Variants in MGAT4C observed in about 807,000 individuals in gnomAD.
MGAT4C encodes the protein alpha-1,3-mannosyl-glycoprotein 4-beta-N-acetylglucosaminyltransferase C.
In MGAT4C, 19 loss-of-function variants were observed where a neutral mutation model predicts 40.1. The ratio of observed to expected loss-of-function variants is 0.47; its 90% CI spans 0.33 to 0.70. The LOEUF (loss-of-function observed/expected upper bound fraction) is 0.70. Among genes scored for constraint, MGAT4C ranks in the 30% least tolerant of loss-of-function variants. The pLI is 0.02. For synonymous variants in MGAT4C, 181 were observed against 187.1 expected (o/e 0.97, Z 0.27); for missense variants, 491 against 563.2 (o/e 0.87, Z 1.30).
chr12:86,389,972 T>C (rs750326425), intron 3 of MGAT4C, among the ~76,000 whole-genome samples: 6 of 152,352 alleles, frequency 3.9e-5, no homozygotes, highest in Non-Finnish European at 7.3e-5. Flanking sequence ...AATGTATTTG[T>C]ATAATTTGAT....
intron 4 of MGAT4C, among the ~76,000 whole-genome samples, chr12:86,271,841 A>G (rs1449597515): frequency 6.6e-6 from 1 of 152,208 alleles, no homozygotes; most frequent in Non-Finnish European, 1.5e-5. Context: ...GAATCCTGTC[A>G]TTTGCAGCAA....
chr12:86,190,235 C>T (rs1044185183), intron 1 of MGAT4C, among the ~76,000 whole-genome samples: 1 of 151,998 alleles, frequency 6.6e-6, no homozygotes, highest in Non-Finnish European at 1.5e-5. Flanking sequence ...AAAGGCAATG[C>T]ACTTTTCACA....
intron 3 of MGAT4C, among the ~76,000 whole-genome samples, chr12:86,429,412 G>A (rs1010027768): frequency 6.6e-6 from 1 of 152,134 alleles, no homozygotes; most frequent in Non-Finnish European, 1.5e-5. Flanking sequence ...TTGTTTGTGT[G>A]CTTGAGAAGA....
At chr12:86,752,773 T>C (rs1951245753) in intron 1 of MGAT4C, among the ~76,000 whole-genome samples, 1 of 152,120 alleles carries the variant, frequency 6.6e-6, no homozygotes, top group South Asian at 2.1e-4. Flanking sequence ...AACAGATTTT[T>C]GACAAAGGTA....
chr12:86,267,230 G>A (rs572584991), intron 4 of MGAT4C, among the ~76,000 whole-genome samples: 232 of 152,038 alleles, frequency 1.5e-3, no homozygotes, highest in African/African-American at 5.3e-3. Context: ...TGCAGATATT[G>A]AAGCTATAAA....
chr12:86,793,399 G>A (rs569796797), intron 1 of MGAT4C, among the ~76,000 whole-genome samples: 2 of 151,976 alleles, frequency 1.3e-5, no homozygotes, highest in African/African-American at 2.4e-5. Flanking sequence ...ATTTATTGTT[G>A]CCATTAGTAT....
At chr12:86,249,782 T>G (rs577797239) in intron 1 of MGAT4C, among the ~76,000 whole-genome samples, 134 of 152,268 alleles carry the variant, frequency 8.8e-4, no homozygotes, top group African/African-American at 3.1e-3. Flanking sequence ...ATCTGAAATA[T>G]CCTTTGCCCA....
At chr12:86,146,594 T>C (rs1036780849) in intron 1 of MGAT4C, among the ~76,000 whole-genome samples, 11 of 152,142 alleles carry the variant, frequency 7.2e-5, no homozygotes, top group Non-Finnish European at 1.6e-4. Flanking sequence ...TCTAATGGCC[T>C]CTTCAAGGTC....
At chr12:86,273,965 G>A (rs139950328) in intron 4 of MGAT4C, among the ~76,000 whole-genome samples, 105 of 152,238 alleles carry the variant, frequency 6.9e-4, no homozygotes, top group Non-Finnish European at 1.2e-3. Flanking sequence ...AGGCTTAACT[G>A]GTTGACAGTT....
At chr12:86,831,122 T>C (rs1467433064) in intron 1 of MGAT4C, among the ~76,000 whole-genome samples, 2 of 151,676 alleles carry the variant, frequency 1.3e-5, no homozygotes, top group African/African-American at 4.8e-5. Context: ...GAGTATACCT[T>C]TTTTCAATAA....
At chr12:86,524,692 T>C (rs1197812602) in intron 2 of MGAT4C, among the ~76,000 whole-genome samples, 1 of 152,196 alleles carries the variant, frequency 6.6e-6, no homozygotes, top group Non-Finnish European at 1.5e-5. Flanking sequence ...CCCCTTCTTT[T>C]TCAGGGACAC....
intron 4 of MGAT4C, among the ~76,000 whole-genome samples, chr12:86,326,459 C>T (rs1294866911): frequency 6.6e-6 from 1 of 151,478 alleles, no homozygotes; most frequent in African/African-American, 2.4e-5. Flanking sequence ...ATCTATTATA[C>T]CTCAGTAAAG....
At chr12:86,509,785 T>C (rs994734162) in intron 2 of MGAT4C, among the ~76,000 whole-genome samples, 6 of 152,214 alleles carry the variant, frequency 3.9e-5, no homozygotes, top group East Asian at 1.9e-4. Context: ...ACATCCCTTG[T>C]AAGTTGGATT....
intron 2 of MGAT4C, among the ~76,000 whole-genome samples, chr12:86,496,390 A>G (rs1958235420): frequency 2.0e-5 from 3 of 152,072 alleles, no homozygotes; most frequent in African/African-American, 4.8e-5. Context: ...TAATTATTAG[A>G]ATGATTTCAG....
At chr12:86,390,997 G>A (rs911825751) in intron 3 of MGAT4C, among the ~76,000 whole-genome samples, 2 of 152,082 alleles carry the variant, frequency 1.3e-5, no homozygotes, top group Non-Finnish European at 2.9e-5. Context: ...TTCCAGAAAG[G>A]ACTTAAAGGG....
intron 3 of MGAT4C, among the ~76,000 whole-genome samples, chr12:85,984,879 A>C (rs1885038804): frequency 6.6e-6 from 1 of 152,142 alleles, no homozygotes; most frequent in Admixed American, 6.5e-5. Context: ...CCTAGGTTCA[A>C]GCCATTCTCC....
At chr12:86,055,375 G>T (rs921013820) in intron 1 of MGAT4C, among the ~76,000 whole-genome samples, 1 of 152,050 alleles carries the variant, frequency 6.6e-6, no homozygotes. Flanking sequence ...GAAATATTAA[G>T]TGACTAGAGA....
intron 3 of MGAT4C, among the ~76,000 whole-genome samples, chr12:86,416,600 C>A (rs1031879754): frequency 4.6e-5 from 7 of 152,006 alleles, no homozygotes; most frequent in African/African-American, 1.7e-4. Context: ...CTAGATTAGA[C>A]CCTGCAGAAT....
chr12:86,082,580 GCA>G (rs998787992), intron 1 of MGAT4C, among the ~76,000 whole-genome samples: 1 of 152,102 alleles, frequency 6.6e-6, no homozygotes, highest in African/African-American at 2.4e-5. Context: ...AATAAACACA[GCA>G]CAGTTGTGAG....
Sources: allele counts gnomAD v4.1 joint callset (sites outside exome capture counted in the v4.1 genomes callset), GRCh38; gene constraint gnomAD v4.1.1; transcripts MANE v1.5; gene names NCBI Gene and HGNC (gene_info 2026-07-23, HGNC 2026-07-21).